RORA: variants seen among roughly 807,000 people sequenced by gnomAD.
The protein encoded by RORA is RAR related orphan receptor A, also known as nuclear receptor ROR-alpha.
In RORA, 7 loss-of-function variants were observed where a neutral mutation model predicts 69.5. That is an observed-to-expected ratio of 0.10 (90% CI 0.06 to 0.19). The LOEUF (loss-of-function observed/expected upper bound fraction) is 0.19. Among genes scored for constraint, RORA ranks in the 10% least tolerant of loss-of-function variants. RORA has a pLI of 1.00. For synonymous variants in RORA, 261 were observed against 240.8 expected, an observed-to-expected ratio of 1.08 and a Z score of -0.78; for missense variants, 457 against 663.0, an observed-to-expected ratio of 0.69 and a Z score of 3.41.
At chr15:61,060,499 G>A (rs777520166) in intron 1 of RORA, among the ~76,000 whole-genome samples, 9 of 152,142 alleles carry the variant, frequency 5.9e-5, no homozygotes, top group East Asian at 1.9e-4. Flanking sequence ...AAGGGTGACC[G>A]TGAGGTTCAC....
At chr15:60,871,408 A>G (rs2073553893) in intron 1 of RORA, among the ~76,000 whole-genome samples, 1 of 152,246 alleles carries the variant, frequency 6.6e-6, no homozygotes, top group Non-Finnish European at 1.5e-5. Flanking sequence ...AGCATTGTTT[A>G]TGGGATTGGA....
chr15:60,977,049 C>T (rs568956637), intron 1 of RORA, among the ~76,000 whole-genome samples: 6 of 144,906 alleles, frequency 4.1e-5, no homozygotes, highest in African/African-American at 1.5e-4. Flanking sequence ...TGAAAAGCGT[C>T]TTGTTTGGGC....
intron 1 of RORA, among the ~76,000 whole-genome samples, chr15:61,039,858 A>C (rs2140466286): frequency 6.6e-6 from 1 of 151,316 alleles, no homozygotes; most frequent in East Asian, 1.9e-4. Context: ...ACCTCCAGAC[A>C]TTTTCATTCA....
intron 2 of RORA, among the ~76,000 whole-genome samples, chr15:60,567,413 A>ATT (rs200613145): frequency 6.8e-6 from 1 of 147,394 alleles, no homozygotes; most frequent in Non-Finnish European, 1.5e-5. Context: ...TATTATTATT[A>ATT]TTATTTTTTT....
rs181273627 is a variant in RORA at position 60,850,989 on chromosome 15, G to A, written c.167-172303C>T. Among the ~76,000 whole-genome samples the A allele has an allele frequency of 1.5e-4, 23 of 152,180 alleles. No individual in the cohort carries two copies. The East Asian group carries it at 4.1e-3, about 27-fold the overall frequency. ...TTCTTTTTCCCTCACACAAAGCACC[G>A]GAGCACATTTCATTCAGTCTGTTGC... On this transcript the variant is annotated intron_variant, in intron 1 of 10. Coordinates refer to ENST00000335670, the MANE Select transcript of RORA (RefSeq NM_134261.3).
chr15:60,980,619 T>G (rs901793844), intron 1 of RORA, among the ~76,000 whole-genome samples: 1 of 152,124 alleles, frequency 6.6e-6, no homozygotes, highest in African/African-American at 2.4e-5. Flanking sequence ...TTTTTATATT[T>G]CTAGGACTTT....
At chr15:60,735,325 G>GT (rs1162954364) in intron 1 of RORA, among the ~76,000 whole-genome samples, 8 of 152,178 alleles carry the variant, frequency 5.3e-5, no homozygotes, top group Admixed American at 2.0e-4. Flanking sequence ...ATAAAAGGTT[G>GT]TTTTTTTATA....
At chr15:61,092,370 G>T (rs1304968572) in intron 1 of RORA, among the ~76,000 whole-genome samples, 1 of 152,206 alleles carries the variant, frequency 6.6e-6, no homozygotes, top group Non-Finnish European at 1.5e-5. Flanking sequence ...TGGTCCCAAT[G>T]AACGACATTG....
rs200519540 is a variant in RORA, at chr15:61,229,179, C to T, written c.40G>A (p.Glu14Lys). 8.4e-6 allele frequency: 13 copies of T among 1,555,126 alleles called. No individual in the cohort carries two copies. The Middle Eastern group carries it at 1.2e-3, about 138-fold the overall frequency. ...APAAPDPAAS[E>K]PGSSGADAAA... ...GCGTCCGCGCCGCTGCTGCCTGGCT[C>T]GCTGGCGGCGGGGTCGGGGGCTGCC... The change falls in exon 1 of 11, where the codon GAG becomes AAG. Residue 14 changes from glutamate (E) to lysine (K), a missense_variant. Coordinates refer to ENST00000335670, the MANE Select transcript of RORA (RefSeq NM_134261.3).
intron 2 of RORA, among the ~76,000 whole-genome samples, chr15:60,556,131 T>C (rs1378288377): frequency 6.8e-6 from 1 of 146,836 alleles, no homozygotes; most frequent in Non-Finnish European, 1.5e-5. Flanking sequence ...GATTTCTCAC[T>C]CTCTGTAAAT....
At chr15:60,786,144 T>C (rs1449055793) in intron 1 of RORA, among the ~76,000 whole-genome samples, 1 of 152,212 alleles carries the variant, frequency 6.6e-6, no homozygotes, top group Non-Finnish European at 1.5e-5. Flanking sequence ...GTCATGTTTA[T>C]ACATACACGA....
intron 1 of RORA, chr15:61,175,968 T>TAA (rs1306651118): frequency 6.6e-6 from 1 of 152,222 alleles, no homozygotes; most frequent in Admixed American, 6.5e-5. Context: ...CACAGGCTTC[T>TAA]GCCCTGCAAA....
intron 1 of RORA, among the ~76,000 whole-genome samples, chr15:60,944,501 G>C (rs1023582298): frequency 1.3e-5 from 2 of 152,106 alleles, no homozygotes; most frequent in Non-Finnish European, 2.9e-5. Context: ...TGGATCACCT[G>C]AGCTCAGGAG....
At chr15:61,221,099 T>C (rs1294463492) in intron 1 of RORA, among the ~76,000 whole-genome samples, 1 of 152,188 alleles carries the variant, frequency 6.6e-6, no homozygotes, top group Non-Finnish European at 1.5e-5. Flanking sequence ...GGTCTAGAGA[T>C]TGTAAAGTCA....
At chr15:61,127,412 C>A (rs915385589) in intron 1 of RORA, among the ~76,000 whole-genome samples, 4 of 152,214 alleles carry the variant, frequency 2.6e-5, no homozygotes, top group Non-Finnish European at 5.9e-5. Context: ...GGAAACGGAG[C>A]CACAAAAAAA....
At chr15:60,567,896 G>C (rs1348708035) in intron 2 of RORA, among the ~76,000 whole-genome samples, 3 of 152,082 alleles carry the variant, frequency 2.0e-5, no homozygotes, top group Non-Finnish European at 4.4e-5. Context: ...TGTTTGGGTT[G>C]AAAATGAAAA....
intron 2 of RORA, chr15:60,557,012 T>C: frequency 8.9e-7 from 1 of 1,129,734 alleles, no homozygotes; most frequent in Admixed American, 2.0e-5. Flanking sequence ...CATCCCCAAA[T>C]GCTTGAACAG....
At chr15:60,888,621 A>T (rs1021189182) in intron 1 of RORA, among the ~76,000 whole-genome samples, 1 of 152,182 alleles carries the variant, frequency 6.6e-6, no homozygotes, top group Non-Finnish European at 1.5e-5. Context: ...GGCCCGCCCT[A>T]CACATGGCAT....
intron 1 of RORA, among the ~76,000 whole-genome samples, chr15:60,776,952 G>A (rs1026022643): frequency 6.6e-6 from 1 of 151,988 alleles, no homozygotes; most frequent in African/African-American, 2.4e-5. Context: ...TCTTCTCTCT[G>A]CAGAAATATA....
Sources: gnomAD v4.1 joint callset for allele counts (sites outside exome capture counted in the v4.1 genomes callset) on GRCh38, gnomAD v4.1.1 for gene constraint, MANE v1.5 for transcripts, NCBI Gene and HGNC (gene_info 2026-07-23, HGNC 2026-07-21) for gene names.